The following TBC1D19 variants were observed in gnomAD, a reference collection of about 807,000 sequenced individuals.
TBC1D19 encodes TBC1 domain family member 19.
A neutral mutation model predicts 89.0 loss-of-function variants in TBC1D19; 60 were observed. That is an observed-to-expected ratio of 0.67 (90% CI 0.55 to 0.84). The LOEUF is 0.84. Among genes scored for constraint, TBC1D19 ranks in the 40% least tolerant of loss-of-function variants. The probability of loss-of-function intolerance (pLI) is 0.00; values close to 1 mark genes in which losing one functional copy is unlikely to be tolerated. For missense variants in TBC1D19, 500 were observed against 610.8 expected, an observed-to-expected ratio of 0.82 and a Z score of 1.91; for synonymous variants, 189 against 199.7, an observed-to-expected ratio of 0.95 and a Z score of 0.45.
the TBC1D19 span, among the ~76,000 whole-genome samples, chr4:26,842,130 C>T: frequency 6.6e-6 from 1 of 151,992 alleles, no homozygotes; most frequent in Non-Finnish European, 1.5e-5. Flanking sequence ...TCAGGCCCCA[C>T]AAATTGTATA....
chr4:26,857,178 G>A, the TBC1D19 span, among the ~76,000 whole-genome samples: 1 of 152,056 alleles, frequency 6.6e-6, no homozygotes, highest in Non-Finnish European at 1.5e-5. Context: ...TTTATGCTAG[G>A]GCTTCATTGA....
intron 7 of TBC1D19, among the ~76,000 whole-genome samples, chr4:26,655,342 C>G (rs1744717504): frequency 6.6e-6 from 1 of 152,214 alleles, no homozygotes; most frequent in South Asian, 2.1e-4. Context: ...AGGAGGCAGT[C>G]TATCCGTTCT....
chr4:26,841,327 A>G, the TBC1D19 span, among the ~76,000 whole-genome samples: 5,411 of 151,288 alleles, frequency 0.036, 161 homozygotes, highest in Non-Finnish European at 0.051. Context: ...TAGAGGTTGC[A>G]GTGAGCTGAG....
At chr4:26,800,849 G>A in the TBC1D19 span, among the ~76,000 whole-genome samples, 7 of 152,000 alleles carry the variant, frequency 4.6e-5, no homozygotes, top group African/African-American at 7.3e-5. Context: ...CTTTTTGATG[G>A]GGTCATTTGT....
chr4:26,710,924 G>A (rs1032016349), intron 13 of TBC1D19, among the ~76,000 whole-genome samples: 3 of 152,024 alleles, frequency 2.0e-5, no homozygotes, highest in South Asian at 2.1e-4. Flanking sequence ...GATTCTGGAT[G>A]TTAGCCCTTT....
chr4:26,674,530 G>C (rs1253614379), intron 11 of TBC1D19, among the ~76,000 whole-genome samples: 1 of 151,866 alleles, frequency 6.6e-6, no homozygotes, highest in Non-Finnish European at 1.5e-5. Context: ...AAATTTTAAT[G>C]AATAGCACAC....
At chr4:26,605,057 T>A (rs1312593722) in intron 1 of TBC1D19, among the ~76,000 whole-genome samples, 1 of 151,974 alleles carries the variant, frequency 6.6e-6, no homozygotes, top group African/African-American at 2.4e-5. Flanking sequence ...TTTTTATTTT[T>A]TTATTATTAT....
intron 11 of TBC1D19, among the ~76,000 whole-genome samples, chr4:26,677,489 T>G (rs557841759): frequency 1.8e-4 from 28 of 152,188 alleles, no homozygotes; most frequent in African/African-American, 6.7e-4. Context: ...GGCTAATTTT[T>G]TTTTGTATTT....
intron 10 of TBC1D19, among the ~76,000 whole-genome samples, chr4:26,673,438 T>C (rs1577913318): frequency 6.3e-5 from 1 of 15,916 alleles, no homozygotes; most frequent in Non-Finnish European, 1.7e-4. Context: ...TATATATATA[T>C]ATATATATAC....
the TBC1D19 span, among the ~76,000 whole-genome samples, chr4:26,819,471 C>A: frequency 1.5e-3 from 223 of 152,302 alleles, no homozygotes; most frequent in African/African-American, 5.1e-3. Context: ...CTAAATGGAT[C>A]CAGCATCTTG....
the TBC1D19 span, among the ~76,000 whole-genome samples, chr4:26,851,315 A>ATCTATCTGTCTG: frequency 8.5e-3 from 1,222 of 143,292 alleles, 7 homozygotes; most frequent in Non-Finnish European, 9.7e-3. Flanking sequence ...CTATCTATCT[A>ATCTATCTGTCTG]TCTATCTATC....
chr4:26,812,290 T>A, the TBC1D19 span, among the ~76,000 whole-genome samples: 1 of 152,190 alleles, frequency 6.6e-6, no homozygotes, highest in Non-Finnish European at 1.5e-5. The surrounding 1 kb of genome is among the most constrained non-coding windows in gnomAD (Gnocchi z 4.2). Flanking sequence ...CCATCTTTCC[T>A]TCCTTCCTCA....
At chr4:26,689,411 T>G (rs1714088263) in intron 13 of TBC1D19, among the ~76,000 whole-genome samples, 1 of 152,142 alleles carries the variant, frequency 6.6e-6, no homozygotes, top group South Asian at 2.1e-4. Flanking sequence ...CTGTACCTAA[T>G]TCTTAGTACT....
At chr4:26,650,625 A>G (rs1327510311) in intron 7 of TBC1D19, among the ~76,000 whole-genome samples, 1 of 152,170 alleles carries the variant, frequency 6.6e-6, no homozygotes, top group Non-Finnish European at 1.5e-5. Flanking sequence ...CCTTTGTCAG[A>G]TGAGTAGATT....
chr4:26,655,645 C>A (rs1744746435), intron 7 of TBC1D19, among the ~76,000 whole-genome samples: 1 of 152,206 alleles, frequency 6.6e-6, no homozygotes, highest in Non-Finnish European at 1.5e-5. Flanking sequence ...ATGAGTGAGG[C>A]TCTGTGGGCA....
At chr4:26,840,561 G>C in the TBC1D19 span, among the ~76,000 whole-genome samples, 1 of 151,836 alleles carries the variant, frequency 6.6e-6, no homozygotes, top group South Asian at 2.1e-4. Flanking sequence ...TGTTCCCCTG[G>C]CCCCCATACC....
intron 18 of TBC1D19, 50 bp from the exon 19 acceptor site, chr4:26,748,361 T>C (rs1578015609): frequency 7.3e-7 from 1 of 1,368,036 alleles, no homozygotes; most frequent in East Asian, 2.3e-5. Flanking sequence ...TGCATTTTCA[T>C]GAGAAAAAAT....
Position 26,681,629 on chromosome 4 carries a change from T to C in TBC1D19, c.817-2046T>C, listed in dbSNP as rs1417446018. On this transcript the variant is annotated intron_variant, in intron 11 of 20. Coordinates refer to ENST00000264866, the MANE Select transcript of TBC1D19 (RefSeq NM_018317.4). ...TTATTCTGTAGATATAAAAACATAGTGCCTAAGGATATTTATTACAACATT... is the reference window on the plus strand; with the variant it reads ...TTATTCTGTAGATATAAAAACATAGCGCCTAAGGATATTTATTACAACATT... 2.0e-5 allele frequency among the ~76,000 whole-genome samples: 3 copies of C among 152,268 alleles called. No individual in the cohort carries two copies. In the East Asian group the frequency reaches 5.8e-4, roughly 29 times the overall value.
intron 7 of TBC1D19, among the ~76,000 whole-genome samples, chr4:26,643,992 G>A (rs1340537749): frequency 6.6e-6 from 1 of 152,100 alleles, no homozygotes; most frequent in African/African-American, 2.4e-5. Context: ...TTCTACCAGA[G>A]GTACAAAGAG....
Sources: gnomAD v4.1 joint callset for allele counts (sites outside exome capture counted in the v4.1 genomes callset) on GRCh38, gnomAD v4.1.1 for gene constraint, Gnocchi (gnomAD v3.1) non-coding constraint, MANE v1.5 for transcripts, NCBI Gene and HGNC (gene_info 2026-07-23, HGNC 2026-07-21) for gene names.